FGGY: variants seen among roughly 807,000 people sequenced by gnomAD.
FGGY encodes FGGY carbohydrate kinase domain containing.
FGGY carries 72 observed loss-of-function variants against 71.3 expected under a neutral mutation model. The observed-to-expected ratio is 1.01, with a 90% CI of 0.84 to 1.23. FGGY has a LOEUF of 1.23. Ranked by LOEUF, FGGY falls within the 50% of genes most tolerant of loss-of-function variation. FGGY has a pLI of 0.00. For synonymous variants in FGGY, 251 were observed against 250.3 expected, an observed-to-expected ratio of 1.00 and a Z score of -0.02; for missense variants, 668 against 682.3, an observed-to-expected ratio of 0.98 and a Z score of 0.23.
rs546318582 is a variant in FGGY, at chr1:59,682,553, C to T, written c.1512+8420C>T. Among the ~76,000 whole-genome samples, 9 of 152,262 alleles carry T rather than the reference C, an allele frequency of 5.9e-5. No homozygotes were observed. The South Asian group carries it at 1.9e-3, about 32-fold the overall frequency. On this transcript the variant is annotated intron_variant, in intron 14 of 15. Transcript: ENST00000303721. Reference sequence around the variant, plus strand: ...GAGGGAAAAGTGCAGTTACTGGATGCCCAGAACAGAGGGCTGTGTGGAGAC... The same window carrying T: ...GAGGGAAAAGTGCAGTTACTGGATGTCCAGAACAGAGGGCTGTGTGGAGAC...
At chr1:59,569,653 C>A (rs1282961419) in intron 8 of FGGY, among the ~76,000 whole-genome samples, 1 of 152,162 alleles carries the variant, frequency 6.6e-6, no homozygotes, top group East Asian at 1.9e-4. Flanking sequence ...ATAGAAACCT[C>A]ACAGGTTGGC....
intron 7 of FGGY, among the ~76,000 whole-genome samples, chr1:59,524,401 A>C (rs1558218163): frequency 6.6e-6 from 1 of 152,116 alleles, no homozygotes; most frequent in Non-Finnish European, 1.5e-5. Context: ...GCGAAACCCC[A>C]CCTTCAAGCC....
chr1:59,382,331 A>T (rs2059564909), intron 5 of FGGY, among the ~76,000 whole-genome samples: 1 of 152,208 alleles, frequency 6.6e-6, no homozygotes, highest in African/African-American at 2.4e-5. Context: ...AGAACATTTC[A>T]GAAGCATGTC....
rs182857477 is a variant in FGGY at position 59,377,774 on chromosome 1, A to G, written c.466-975A>G. ...CCAAATGAGGAAGGGGATGATGTTG[A>G]TCCTGGGAGGGCACAGGGTGGTGGG... On this transcript the variant is annotated intron_variant, in intron 4 of 15. Transcript: ENST00000303721. Among the ~76,000 whole-genome samples the G allele has an allele frequency of 8.5e-3, 1,297 of 152,240 alleles. 17 individuals are homozygous for G. Among genetic ancestry groups the G allele is most frequent in the Non-Finnish European group, 9.7e-3 (657 of 67,998 alleles).
At chr1:59,315,133 T>C (rs562817297) in intron 1 of FGGY, among the ~76,000 whole-genome samples, 3 of 152,302 alleles carry the variant, frequency 2.0e-5, no homozygotes, top group Admixed American at 2.0e-4. Context: ...GGTTTGTGTT[T>C]TGTTTCTTTG....
chr1:59,535,512 A>G lies in FGGY; in HGVS notation c.800-18612A>G, dbSNP rs961334091. Among the ~76,000 whole-genome samples the G allele has an allele frequency of 1.7e-4, 26 of 152,272 alleles. No homozygotes were observed. The East Asian group carries it at 5.0e-3, about 29-fold the overall frequency. On this transcript the variant is annotated intron_variant, in intron 7 of 15. Coordinates refer to ENST00000303721, the MANE Select transcript of FGGY (RefSeq NM_018291.5). Reference sequence around the variant, plus strand: ...AGACATCTACAGAACTCTCCACCCCAAATCAACAGAATATACATTTTTTTC... The same window carrying G: ...AGACATCTACAGAACTCTCCACCCCGAATCAACAGAATATACATTTTTTTC...
intron 14 of FGGY, among the ~76,000 whole-genome samples, chr1:59,743,049 C>A (rs1456757571): frequency 3.9e-5 from 6 of 152,262 alleles, no homozygotes; most frequent in African/African-American, 1.4e-4. Flanking sequence ...AACTCAAAAC[C>A]TTTTAACATG....
chr1:59,583,147 G>T (rs1284459393), intron 8 of FGGY, among the ~76,000 whole-genome samples: 1 of 142,964 alleles, frequency 7.0e-6, no homozygotes, highest in East Asian at 2.1e-4. Context: ...AATGCCTGCA[G>T]GTCCTTTTAT....
At chr1:59,416,356 A>C (rs1055700989) in intron 5 of FGGY, among the ~76,000 whole-genome samples, 3 of 152,190 alleles carry the variant, frequency 2.0e-5, no homozygotes, top group African/African-American at 7.2e-5. Flanking sequence ...AGGGAAAAGG[A>C]AAAGACTGTC....
intron 9 of FGGY, among the ~76,000 whole-genome samples, chr1:59,609,552 T>C (rs2096654966): frequency 6.6e-6 from 1 of 152,186 alleles, no homozygotes; most frequent in African/African-American, 2.4e-5. Flanking sequence ...AGATCAAATG[T>C]GGAATACAGA....
At chr1:59,558,780 A>G (rs2095735896) in intron 8 of FGGY, among the ~76,000 whole-genome samples, 1 of 152,138 alleles carries the variant, frequency 6.6e-6, no homozygotes, top group Admixed American at 6.5e-5. Context: ...GGCATATTTC[A>G]GTCCTTATCT....
intron 1 of FGGY, among the ~76,000 whole-genome samples, chr1:59,310,778 C>T (rs1435607011): frequency 1.3e-5 from 2 of 152,134 alleles, no homozygotes; most frequent in East Asian, 1.9e-4. Flanking sequence ...GGAGACTGCT[C>T]CAAAGAGGAG....
chr1:59,384,696 G>T (rs11582427), intron 5 of FGGY, among the ~76,000 whole-genome samples: 29,430 of 152,006 alleles, frequency 0.19, 3,105 homozygotes, highest in East Asian at 0.36. Context: ...TAAGAACCTG[G>T]AGCAAATTAT....
intron 14 of FGGY, among the ~76,000 whole-genome samples, chr1:59,695,345 C>T (rs2097647924): frequency 6.6e-6 from 1 of 152,118 alleles, no homozygotes. Context: ...AGGAGAGTTT[C>T]CCAGGGAAAA....
intron 1 of FGGY, among the ~76,000 whole-genome samples, chr1:59,303,108 C>T (rs1400035169): frequency 4.6e-5 from 7 of 152,196 alleles, no homozygotes; most frequent in Non-Finnish European, 8.8e-5. Context: ...TCCATCACCT[C>T]ATGTACTCTT....
intron 6 of FGGY, among the ~76,000 whole-genome samples, chr1:59,482,954 G>A (rs1389777188): frequency 1.3e-5 from 2 of 152,016 alleles, no homozygotes; most frequent in African/African-American, 4.8e-5. Flanking sequence ...AACCACCTGG[G>A]GGGATTCTTA....
chr1:59,587,494 C>T (rs1276195585), intron 8 of FGGY, among the ~76,000 whole-genome samples: 4 of 152,176 alleles, frequency 2.6e-5, no homozygotes, highest in Non-Finnish European at 4.4e-5. Flanking sequence ...ACTGCCTCCT[C>T]AAGTGGGTCC....
chr1:59,683,173 A>G (rs1242503326), intron 14 of FGGY, among the ~76,000 whole-genome samples: 1 of 152,242 alleles, frequency 6.6e-6, no homozygotes, highest in Non-Finnish European at 1.5e-5. Flanking sequence ...AAGGTACTTT[A>G]GATGACATTT....
At chr1:59,371,845 G>A (rs564202439) in intron 4 of FGGY, among the ~76,000 whole-genome samples, 2 of 152,164 alleles carry the variant, frequency 1.3e-5, no homozygotes, top group Non-Finnish European at 2.9e-5. Flanking sequence ...AAATAAAGAT[G>A]TTCTTTGAAA....
Sources: gnomAD v4.1 joint callset for allele counts (sites outside exome capture counted in the v4.1 genomes callset) on GRCh38, gnomAD v4.1.1 for gene constraint, MANE v1.5 for transcripts, NCBI Gene and HGNC (gene_info 2026-07-23, HGNC 2026-07-21) for gene names.